The following FOXJ2 variants were observed in gnomAD, a reference collection of about 807,000 sequenced individuals.
The protein encoded by FOXJ2 is forkhead box protein J2.
In FOXJ2, 18 loss-of-function variants were observed where a neutral mutation model predicts 68.4. The ratio of observed to expected loss-of-function variants is 0.26; its 90% CI spans 0.18 to 0.39. The LOEUF is 0.39. FOXJ2 is among the 10% of genes least tolerant of loss of function. FOXJ2 has a pLI of 1.00. For synonymous variants in FOXJ2, 274 were observed against 263.2 expected, an observed-to-expected ratio of 1.04 and a Z score of -0.40; for missense variants, 670 against 726.5, an observed-to-expected ratio of 0.92 and a Z score of 0.89.
rs1239437220 is a variant in FOXJ2 at position 8,033,589 on chromosome 12, G to C, written c.-259G>C. 1 of 152,732 alleles carries C rather than the reference G, an allele frequency of 6.5e-6. No homozygotes were observed. Among genetic ancestry groups the C allele is most frequent in the Non-Finnish European group, 1.5e-5 (1 of 68,198 alleles). The allele number at this position is 152,732 out of a possible 1,614,324, so 9.5% of individuals were successfully genotyped here. On this transcript the variant is annotated 5_prime_UTR_variant, in exon 1 of 11. Coordinates refer to ENST00000162391, the MANE Select transcript of FOXJ2 (RefSeq NM_018416.3). Reference sequence around the variant, plus strand: ...CCCTCCTCCCCCGGGTAACAAGCAGGGTGTGGGGGGTGTGCCACCTTCCCC... The same window carrying C: ...CCCTCCTCCCCCGGGTAACAAGCAGCGTGTGGGGGGTGTGCCACCTTCCCC...
intron 3 of FOXJ2, among the ~76,000 whole-genome samples, chr12:8,042,943 T>C (rs1946984723): frequency 2.0e-5 from 3 of 152,094 alleles, no homozygotes; most frequent in Non-Finnish European, 4.4e-5. Flanking sequence ...AGGCCAGGCG[T>C]GGTGGCTTAT....
chr12:8,053,105 G>A lies in FOXJ2; in HGVS notation c.*255G>A, dbSNP rs975839556. On this transcript the variant is annotated 3_prime_UTR_variant, in exon 11 of 11. Coordinates refer to ENST00000162391, the MANE Select transcript of FOXJ2 (RefSeq NM_018416.3). The surrounding 1 kb of genome is among the most constrained non-coding windows in gnomAD (Gnocchi z 4.1). ...TCTTATATTATTATTATTATTATTG[G>A]TTATATACTGTCCATAGTCTCCTGT... is the stretch of plus-strand genomic sequence containing the variant. 6.2e-6 allele frequency: 1 copy of A among 162,564 alleles called. No individual in the cohort carries two copies. Among genetic ancestry groups the A allele is most frequent in the African/African-American group, 2.4e-5 (1 of 41,288 alleles). 10.1% of individuals were successfully genotyped at this position (162,564 alleles called of 1,614,324 possible). A position where few individuals can be genotyped will look rare whatever the true frequency, so the allele number is the denominator to read the frequency against.
chr12:8,045,672 T>C (rs1463678642), intron 6 of FOXJ2, among the ~76,000 whole-genome samples: 1 of 149,048 alleles, frequency 6.7e-6, no homozygotes, highest in Non-Finnish European at 1.5e-5. Context: ...CTTTATTTTT[T>C]TGAGGCACAG....
At position 8,055,455 on chromosome 12, in the gene FOXJ2, T is replaced by G. The variant is rs1189767915; in HGVS notation, c.*2605T>G. On this transcript the variant is annotated 3_prime_UTR_variant, in exon 11 of 11. Transcript: ENST00000162391. ...GAAGGGGGTATATGGTCTCACAAGT[T>G]GTTGTCATTGTTTTTTTGCATGCTT... 1 of 152,504 alleles carries G rather than the reference T, an allele frequency of 6.6e-6. No individual in the cohort carries two copies. Among genetic ancestry groups the G allele is most frequent in the African/African-American group, 2.4e-5 (1 of 41,400 alleles). 9.4% of individuals were successfully genotyped at this position (152,504 alleles called of 1,614,324 possible).
chr12:8,050,541 A>G lies in FOXJ2; in HGVS notation c.1557A>G (p.Pro519=). 1 of 1,613,158 alleles carries G rather than the reference A, an allele frequency of 6.2e-7. No homozygotes were observed. Among genetic ancestry groups the G allele is most frequent in the Non-Finnish European group, 8.5e-7 (1 of 1,179,630 alleles). ...TGGCAGTGAACTCTTATGGGCACCC[A>G]CAAGCTCCCCACCTCTACCCTGGCC... ...AMSQVNSYGH[P]QAPHLYPGPS... Residue 519 remains proline (P), a synonymous_variant, in exon 10 of 11, where the codon CCA becomes CCG. Transcript: ENST00000162391.
chr12:8,048,126 G>A lies in FOXJ2; in HGVS notation c.1062G>A (p.Ala354=), dbSNP rs764956668. The change falls in exon 7 of 11, where the codon GCG becomes GCA. Residue 354 remains alanine, a synonymous_variant. Coordinates refer to ENST00000162391, the MANE Select transcript of FOXJ2 (RefSeq NM_018416.3). ...CTPPGGKQAG[A]EGYGPPPVMA... ...CACCAGGGGGAAAGCAAGCTGGGGC[G>A]GAAGGCTATGGGCCTCCCCCTGTAA... 9 of 1,613,246 alleles carry A rather than the reference G, an allele frequency of 5.6e-6. No homozygotes were observed. Among genetic ancestry groups the A allele is most frequent in the South Asian group, 3.3e-5 (3 of 90,992 alleles).
intron 6 of FOXJ2, 50 bp downstream of exon 6, chr12:8,045,008 A>G: frequency 6.6e-7 from 1 of 1,519,576 alleles, no homozygotes; most frequent in Non-Finnish European, 9.0e-7. Flanking sequence ...ATCTTGTTGA[A>G]CAAGTGGGGT....
intron 10 of FOXJ2, among the ~76,000 whole-genome samples, chr12:8,050,842 TTTCCCTTCCCC>T (rs1947108208): frequency 1.3e-5 from 1 of 76,596 alleles, no homozygotes; most frequent in East Asian, 4.8e-4. Flanking sequence ...CCTCCCTTCC[TTTCCCTTCCCC>T]TTCCCTTCCC....
chr12:8,036,869 A>G (rs1490917622), intron 1 of FOXJ2, among the ~76,000 whole-genome samples: 1 of 152,092 alleles, frequency 6.6e-6, no homozygotes, highest in African/African-American at 2.4e-5. Context: ...TGGGTAGATC[A>G]CCTGAGGTCA....
chr12:8,051,971 T>G (rs1452609328), intron 10 of FOXJ2, among the ~76,000 whole-genome samples: 1 of 151,244 alleles, frequency 6.6e-6, no homozygotes, highest in Non-Finnish European at 1.5e-5. Context: ...CAGGTTCAAG[T>G]GATTCTCGAG....
intron 7 of FOXJ2, 32 bp downstream of exon 7, chr12:8,048,321 G>T (rs763767136): frequency 2.0e-6 from 3 of 1,518,546 alleles, no homozygotes; most frequent in Non-Finnish European, 2.6e-6. Context: ...TGATCTAGAG[G>T]AGGGTGGGGT....
chr12:8,040,086 A>C lies in FOXJ2; in HGVS notation c.254A>C (p.Lys85Thr), dbSNP rs1019306444. 6.2e-7 allele frequency: 1 copy of C among 1,614,216 alleles called. No individual in the cohort carries two copies. The highest frequency in any genetic ancestry group is 8.5e-7 in the Non-Finnish European group (1 of 1,180,044). ...TATGCCATCAACTCCTCTCCAGCCA[A>C]GAAGATGACCCTCAGCGAGATTTAC... ...ITYAINSSPA[K>T]KMTLSEIYRW... is the part of the protein sequence containing the mutation. Residue 85 changes from lysine (K) to threonine (T), a missense_variant, in exon 2 of 11, where the codon AAG becomes ACG. Physicochemically the swap from Lys to Thr is moderately conservative, Grantham distance 78. Around this residue, in one of 2 missense-constraint regions of FOXJ2, gnomAD observed 115 missense variants for 164.3 expected, o/e 0.70. Coordinates refer to ENST00000162391, the MANE Select transcript of FOXJ2 (RefSeq NM_018416.3). This position sits in a 1 kb window ranked among gnomAD's most constrained non-coding sequence, Gnocchi z 4.0.
intron 2 of FOXJ2, among the ~76,000 whole-genome samples, chr12:8,042,413 A>G (rs1487938200): frequency 1.3e-5 from 2 of 152,212 alleles, no homozygotes; most frequent in Non-Finnish European, 2.9e-5. Flanking sequence ...TTTTTTCAGA[A>G]GCATTAGTAA....
rs763839763 is a variant in FOXJ2, at chr12:8,048,041, G to T, written c.977G>T (p.Gly326Val). The T allele has an allele frequency of 6.2e-7, 1 of 1,613,560 alleles. No homozygotes were observed. Among genetic ancestry groups the T allele is most frequent in the South Asian group, 1.1e-5 (1 of 91,038 alleles). ...CAGCAGCAGCAGGCACCTGCCCAGG[G>T]CCCCTCAGCTGTAGGGGGTGCTCCT... ...QPQQQQAPAQ[G>V]PSAVGGAPPL... The change falls in exon 7 of 11, where the codon GGC (glycine) becomes GTC (valine). Residue 326 changes from glycine (G) to valine (V), a missense_variant. Coordinates refer to ENST00000162391, the MANE Select transcript of FOXJ2 (RefSeq NM_018416.3).
At chr12:8,043,576 A>G in intron 3 of FOXJ2, 125 bp from the exon 4 acceptor site, 1 of 913,364 alleles carries the variant, frequency 1.1e-6, no homozygotes, top group Non-Finnish European at 1.7e-6. Context: ...TGTTTGGACC[A>G]CAGGATTACC....
At position 8,052,840 on chromosome 12, in the gene FOXJ2, T is replaced by C; in HGVS notation, c.1715T>C (p.Leu572Ser). 6.2e-7 allele frequency: 1 copy of C among 1,605,140 alleles called. No individual in the cohort carries two copies. The highest frequency in any genetic ancestry group is 8.5e-7 in the Non-Finnish European group (1 of 1,174,560). The part of the protein sequence containing the change: ...EEIPDDFDWD[L>S]IT Reference sequence around the variant, plus strand: ...ATCCCTGATGACTTCGACTGGGACTTGATCACTTAGTGCATCACAGAGTGT... The same window carrying C: ...ATCCCTGATGACTTCGACTGGGACTCGATCACTTAGTGCATCACAGAGTGT... The change falls in exon 11 of 11, where the codon TTG becomes TCG. Residue 572 changes from leucine to serine, a missense_variant. This residue lies in a region of FOXJ2 where 555 missense variants were observed against 562.2 expected (regional missense o/e 0.99). Coordinates refer to ENST00000162391, the MANE Select transcript of FOXJ2 (RefSeq NM_018416.3).
rs1172106741 is a variant in FOXJ2, at chr12:8,052,767, C to T, written c.1642C>T (p.His548Tyr). ...DSAGYNRPAH[H>Y]MVPRPSVPPP... is the part of the protein sequence containing the mutation. ...TCTTTCTTTCTTTCTAACAGCACACCATATGGTCCCTCGGCCATCAGTGCC... is the reference window on the plus strand; with the variant it reads ...TCTTTCTTTCTTTCTAACAGCACACTATATGGTCCCTCGGCCATCAGTGCC... The change falls in exon 11 of 11, where the codon CAT (histidine) becomes TAT (tyrosine). Residue 548 changes from histidine to tyrosine, a missense_variant. Physicochemically the swap from His to Tyr is moderately conservative, Grantham distance 83. Around this residue, in one of 2 missense-constraint regions of FOXJ2, gnomAD observed 555 missense variants for 562.2 expected, o/e 0.99. Transcript: ENST00000162391. 6.2e-7 allele frequency: 1 copy of T among 1,608,778 alleles called. No homozygotes were observed. Among genetic ancestry groups the T allele is most frequent in the South Asian group, 1.1e-5 (1 of 90,234 alleles).
chr12:8,049,153 A>C (rs2121350105), intron 8 of FOXJ2, among the ~76,000 whole-genome samples: 1 of 152,316 alleles, frequency 6.6e-6, no homozygotes, highest in Admixed American at 6.5e-5. Flanking sequence ...CTTACTCATC[A>C]GTAAGATGGC....
chr12:8,047,265 C>A (rs1436697126), intron 6 of FOXJ2, among the ~76,000 whole-genome samples: 2 of 152,080 alleles, frequency 1.3e-5, no homozygotes, highest in Non-Finnish European at 2.9e-5. Flanking sequence ...CCAGCCTCAA[C>A]ATGGAGAAAC....
Sources: gnomAD v4.1 joint callset for allele counts (sites outside exome capture counted in the v4.1 genomes callset) on GRCh38, gnomAD v4.1.1 for gene constraint, gnomAD v4.1.1 regional missense constraint, Gnocchi (gnomAD v3.1) non-coding constraint, MANE v1.5 for transcripts, NCBI Gene and HGNC (gene_info 2026-07-23, HGNC 2026-07-21) for gene names.